The following COL4A4 variants were observed in gnomAD, a reference collection of about 807,000 sequenced individuals.
COL4A4 encodes the protein collagen alpha-4(IV) chain.
In COL4A4, 105 loss-of-function variants were observed where a neutral mutation model predicts 192.9. That is an observed-to-expected ratio of 0.54 (90% confidence interval 0.46 to 0.64). The LOEUF (loss-of-function observed/expected upper bound fraction) is 0.64, where lower values mean the gene tolerates loss of function less well. COL4A4 is among the 30% of genes least tolerant of loss of function. COL4A4 has a pLI of 0.00. For synonymous variants in COL4A4, 762 were observed against 769.9 expected (o/e 0.99, Z 0.17); for missense variants, 1,967 against 2,169.3 (o/e 0.91, Z 1.85).
chr2:227,148,259 C>T (rs1040764546), intron 1 of COL4A4, among the ~76,000 whole-genome samples: 2 of 152,180 alleles, frequency 1.3e-5, no homozygotes, highest in African/African-American at 4.8e-5. Flanking sequence ...CCCGCATGTC[C>T]ATCAGTGGGT....
intron 28 of COL4A4, among the ~76,000 whole-genome samples, chr2:227,058,902 C>G (rs1202744492): frequency 1.1e-5 from 1 of 89,386 alleles, no homozygotes; most frequent in African/African-American, 6.4e-5. Context: ...TCCTCTCTTG[C>G]GTTTGATGCC....
the COL4A4 span, among the ~76,000 whole-genome samples, chr2:226,993,000 C>T: frequency 6.6e-6 from 1 of 152,142 alleles, no homozygotes. Context: ...TTATTCTTCT[C>T]ATGACATGAG....
intron 37 of COL4A4, among the ~76,000 whole-genome samples, chr2:227,037,247 A>C (rs199500109): frequency 1.3e-5 from 2 of 152,006 alleles, no homozygotes; most frequent in East Asian, 3.9e-4. Context: ...CCTCTCACCC[A>C]CTGACAGGCC....
chr2:227,008,503 C>A (rs1962730462), intron 46 of COL4A4, among the ~76,000 whole-genome samples, 199 bp from the exon 47 acceptor site: 2 of 152,200 alleles, frequency 1.3e-5, no homozygotes, highest in South Asian at 4.1e-4. Context: ...TCATCCCTCA[C>A]TCGAGCCAAG....
rs543799921 is a variant in COL4A4, at chr2:227,018,900, A to G, written c.4216+3148T>C. On this transcript the variant is annotated intron_variant, in intron 44 of 47. Coordinates refer to ENST00000396625, the MANE Select transcript of COL4A4 (RefSeq NM_000092.5). ...GCACTAGACCATCTTTCAGAAGCTC[A>G]TAGTCTATGGAGAGAGAATCTTGTT... 4.6e-5 allele frequency among the ~76,000 whole-genome samples: 7 copies of G among 152,334 alleles called. No homozygotes were observed. The South Asian group carries it at 1.2e-3, about 27-fold the overall frequency.
At chr2:227,142,571 T>G (rs1020471511) in intron 3 of COL4A4, among the ~76,000 whole-genome samples, 1 of 152,052 alleles carries the variant, frequency 6.6e-6, no homozygotes, top group Non-Finnish European at 1.5e-5. Context: ...CTGGCCAACA[T>G]GGTGAAACCC....
At chr2:227,063,782 A>C (rs1230709738) in intron 25 of COL4A4, among the ~76,000 whole-genome samples, 1 of 151,880 alleles carries the variant, frequency 6.6e-6, no homozygotes, top group African/African-American at 2.4e-5. Context: ...ATATAGTATT[A>C]TCTCAAAAGA....
intron 22 of COL4A4, among the ~76,000 whole-genome samples, chr2:227,084,125 A>C (rs993714639): frequency 6.6e-6 from 1 of 152,222 alleles, no homozygotes; most frequent in Admixed American, 6.5e-5. Context: ...AAGAATTAGA[A>C]ATCATAAAGT....
chr2:227,079,862 A>G (rs576806137), intron 24 of COL4A4, among the ~76,000 whole-genome samples: 1 of 152,310 alleles, frequency 6.6e-6, no homozygotes, highest in East Asian at 1.9e-4. Flanking sequence ...TTAAGTTCCT[A>G]AGCATCGGAT....
In COL4A4 at chr2:227,007,074, G is replaced by T; in HGVS notation, c.*251C>A. ...ATTAGCATATTTTTAAGTAAAGCCA[G>T]TTCTTCGATCATCCTCAGTAAAATA... On this transcript the variant is annotated 3_prime_UTR_variant, in exon 48 of 48. Transcript: ENST00000396625. The T allele has an allele frequency of 1.7e-6, 1 of 585,746 alleles. No homozygotes were observed. Among genetic ancestry groups the T allele is most frequent in the East Asian group, 2.9e-5 (1 of 33,928 alleles). The allele number at this position is 585,746 out of a possible 1,614,324, so 36.3% of individuals were successfully genotyped here.
At chr2:227,141,251 T>C (rs929469317) in intron 3 of COL4A4, among the ~76,000 whole-genome samples, 8 of 152,202 alleles carry the variant, frequency 5.3e-5, no homozygotes, top group African/African-American at 1.9e-4. Flanking sequence ...CTAGCTGTCA[T>C]TGCAACATTT....
intron 35 of COL4A4, among the ~76,000 whole-genome samples, chr2:227,046,089 A>ACATATCTATAT (rs1559490646): frequency 3.1e-5 from 2 of 65,078 alleles, no homozygotes; most frequent in East Asian, 8.1e-4. Context: ...TTAGATATAT[A>ACATATCTATAT]TGTACATATA....
intron 34 of COL4A4, among the ~76,000 whole-genome samples, chr2:227,049,788 G>A (rs1245075090): frequency 6.6e-6 from 1 of 152,206 alleles, no homozygotes; most frequent in Non-Finnish European, 1.5e-5. Context: ...GCTGTTACTT[G>A]AGGGGCTGCA....
intron 36 of COL4A4, 61 bp downstream of exon 36, chr2:227,043,014 GTT>G: frequency 8.2e-7 from 1 of 1,212,318 alleles, no homozygotes; most frequent in Non-Finnish European, 1.2e-6. Flanking sequence ...AAGACTGGTG[GTT>G]TCTGAAACAC....
intron 38 of COL4A4, among the ~76,000 whole-genome samples, 171 bp downstream of exon 38, chr2:227,033,239 T>A (rs1559457992): frequency 6.6e-6 from 1 of 152,214 alleles, no homozygotes; most frequent in Non-Finnish European, 1.5e-5. Context: ...CCTTTTCATA[T>A]GTCATTTTCA....
chr2:227,064,760 C>T (rs1371728768), intron 25 of COL4A4, among the ~76,000 whole-genome samples: 1 of 152,160 alleles, frequency 6.6e-6, no homozygotes, highest in Non-Finnish European at 1.5e-5. Context: ...CAACTGTCGG[C>T]CAAGAATTTC....
At chr2:227,100,994 G>A (rs558162783) in intron 17 of COL4A4, among the ~76,000 whole-genome samples, 4 of 152,006 alleles carry the variant, frequency 2.6e-5, no homozygotes, top group Admixed American at 6.6e-5. Flanking sequence ...ATTTTTAGTA[G>A]AGACGGGGTT....
Position 227,094,191 on chromosome 2 carries a change from G to A in COL4A4, c.1303C>T (p.Pro435Ser). 3 of 1,613,756 alleles carry A rather than the reference G, an allele frequency of 1.9e-6. No homozygotes were observed. The highest frequency in any genetic ancestry group is 1.7e-6 in the Non-Finnish European group (2 of 1,179,856). The change falls in exon 20 of 48, where the codon CCA becomes TCA. Residue 435 changes from proline to serine, a missense_variant. Pro to Ser is a moderately conservative substitution (Grantham distance 74). Coordinates refer to ENST00000396625, the MANE Select transcript of COL4A4 (RefSeq NM_000092.5). Reference protein sequence around the residue: ...PGRPDSAPGKPGKPGSPGLPG... With the variant: ...PGRPDSAPGKSGKPGSPGLPG... ...AAGCCAGGTGATCCTGGCTTCCCTG[G>A]TTTTCCTGGAGCAGAATCAGGTCTC... is the stretch of plus-strand genomic sequence containing the variant.
chr2:227,101,580 C>CT, intron 16 of COL4A4, 23 bp from the exon 17 acceptor site: 3 of 1,515,968 alleles, frequency 2.0e-6, no homozygotes, highest in South Asian at 1.1e-5. Flanking sequence ...ACAAACATGC[C>CT]TTAAAAAAAA....
Sources: allele counts gnomAD v4.1 joint callset (sites outside exome capture counted in the v4.1 genomes callset), GRCh38; gene constraint gnomAD v4.1.1; transcripts MANE v1.5; gene names NCBI Gene and HGNC (gene_info 2026-07-23, HGNC 2026-07-21).